Variants in BCL2L14 observed in about 807,000 individuals in gnomAD.
The protein encoded by BCL2L14 is apoptosis facilitator Bcl-2-like protein 14.
BCL2L14 carries 27 observed loss-of-function variants against 35.3 expected under a neutral mutation model. The ratio of observed to expected loss-of-function variants is 0.76; its 90% CI spans 0.56 to 1.05. BCL2L14 has a LOEUF of 1.05. Ranked by LOEUF, BCL2L14 falls within the 50% of genes least tolerant of loss-of-function variation. The pLI is 0.00. For missense variants in BCL2L14, 377 were observed against 382.6 expected, an observed-to-expected ratio of 0.99 and a Z score of 0.12; for synonymous variants, 139 against 145.9, an observed-to-expected ratio of 0.95 and a Z score of 0.34.
intron 2 of BCL2L14, among the ~76,000 whole-genome samples, chr12:12,063,262 A>G (rs952295956): frequency 2.1e-5 from 1 of 47,434 alleles, no homozygotes; most frequent in African/African-American, 6.6e-5. Flanking sequence ...CCAAACTGCC[A>G]CTCTTAACTC....
chr12:12,055,861 C>T (rs1357846774), intron 2 of BCL2L14: 1 of 152,188 alleles, frequency 6.6e-6, no homozygotes, highest in Non-Finnish European at 1.5e-5. Context: ...TTTTCATAGC[C>T]ACTGACAAAG....
intron 1 of BCL2L14, among the ~76,000 whole-genome samples, chr12:12,075,184 G>A (rs1017737680): frequency 1.3e-5 from 2 of 151,292 alleles, no homozygotes; most frequent in East Asian, 1.9e-4. Flanking sequence ...GTGCAATGGC[G>A]CGATCCCCGC....
At chr12:12,090,717 G>A (rs1230567655) in intron 3 of BCL2L14, 62 bp from the exon 4 acceptor site, 9 of 1,382,402 alleles carry the variant, frequency 6.5e-6, no homozygotes, top group Non-Finnish European at 8.2e-6. Context: ...CATTGTCCCT[G>A]GAAAAATGTA....
intron 1 of BCL2L14, among the ~76,000 whole-genome samples, chr12:12,078,703 C>CCT (rs1297516362): frequency 6.6e-6 from 1 of 152,214 alleles, no homozygotes; most frequent in African/African-American, 2.4e-5. Context: ...CTTTCACTTG[C>CCT]CTCTTTCTTT....
At chr12:12,063,067 G>C (rs1466841013) in intron 2 of BCL2L14, among the ~76,000 whole-genome samples, 1 of 152,166 alleles carries the variant, frequency 6.6e-6, no homozygotes. Context: ...TTAGGCCCCA[G>C]TCTCATTCCA....
rs558785344 is a variant in BCL2L14, at chr12:12,089,630, G to A, written c.608-1149G>A. 2.6e-3 allele frequency among the ~76,000 whole-genome samples: 393 copies of A among 150,038 alleles called. 4 individuals carry two copies. Among genetic ancestry groups the A allele is most frequent in the African/African-American group, 9.1e-3 (372 of 40,744 alleles). ...GGAGAATCACTTGAACCTGGGAGGT[G>A]GAGGTTGCAGTGAGCCAAGATCGTG... On this transcript the variant is annotated intron_variant, in intron 3 of 5. Transcript: ENST00000308721.
At chr12:12,083,890 C>T (rs1948983073) in intron 2 of BCL2L14, among the ~76,000 whole-genome samples, 1 of 152,102 alleles carries the variant, frequency 6.6e-6, no homozygotes, top group Non-Finnish European at 1.5e-5. Context: ...GCAGGTTGCA[C>T]TGAGCTGAGA....
Position 12,087,316 on chromosome 12 carries a change from G to T in BCL2L14, c.537G>T (p.Glu179Asp). ...ATQAGGFKSK[E>D]IFVTEGLSFQ... ...AGGCAGGAGGCTTCAAGTCCAAAGA[G>T]ATTTTTGTAACTGAGGGTCTCTCCT... Residue 179 changes from glutamate to aspartate, a missense_variant, in exon 3 of 6, where the codon GAG becomes GAT. Coordinates refer to ENST00000308721, the MANE Select transcript of BCL2L14 (RefSeq NM_138723.2). 6.2e-7 allele frequency: 1 copy of T among 1,614,222 alleles called. No homozygotes were observed. Among genetic ancestry groups the T allele is most frequent in the Non-Finnish European group, 8.5e-7 (1 of 1,180,026 alleles).
chr12:12,096,123 C>G, intron 5 of BCL2L14: 1 of 985,340 alleles, frequency 1.0e-6, no homozygotes, highest in South Asian at 4.7e-5. Flanking sequence ...AGTCTCTAAT[C>G]TCCAGCACTT....
At chr12:12,086,413 C>G (rs997619890) in intron 2 of BCL2L14, among the ~76,000 whole-genome samples, 2 of 152,220 alleles carry the variant, frequency 1.3e-5, no homozygotes, top group East Asian at 3.8e-4. Context: ...CATCTGCCCA[C>G]CCCACCTCCC....
chr12:12,050,793 T>TAAAAAAAAAAAAAAAAAAAAAAA (rs3052084), intron 1 of BCL2L14, among the ~76,000 whole-genome samples: 24 of 88,280 alleles, frequency 2.7e-4, no homozygotes, highest in African/African-American at 6.7e-4. Flanking sequence ...GCTGATGAGC[T>TAAAAAAAAAAAAAAAAAAAAAAA]AAAAAAAAAA....
In BCL2L14 at chr12:12,073,954, T is replaced by C. The variant is rs571213242; in HGVS notation, c.-8+2817T>C. Among the ~76,000 whole-genome samples, 8 of 152,202 alleles carry C rather than the reference T, an allele frequency of 5.3e-5. No homozygotes were observed. In the South Asian group the frequency reaches 1.7e-3, roughly 32 times the overall value. ...TTTGCCTGCTTGCACGCACCTCAGGTCTCAGTGTGTCTCAGCAACAGCTTC... is the reference window on the plus strand; with the variant it reads ...TTTGCCTGCTTGCACGCACCTCAGGCCTCAGTGTGTCTCAGCAACAGCTTC... On this transcript the variant is annotated intron_variant, in intron 1 of 5. Transcript: ENST00000308721.
At chr12:12,068,251 C>A, upstream of BCL2L14, 1 of 398,200 alleles carries the variant, frequency 2.5e-6, no homozygotes, top group South Asian at 1.3e-4. Flanking sequence ...GACCAAGACT[C>A]TTCAGGATCC....
rs58296575 is a variant in BCL2L14, at chr12:12,058,253, CT to C, written c.-272+6416del. ...AGGCGTGAGTCATTGTGCCCAGACT[CT>C]TTTTTTTTTCTTTTTTTTGAGACGG... On this transcript the variant is annotated intron_variant, in intron 2 of 3. Transcript: ENST00000461264. 1.7e-3 allele frequency among the ~76,000 whole-genome samples: 250 copies of C among 143,728 alleles called. 1 individual carries two copies. The highest frequency in any genetic ancestry group is 7.5e-3 in the East Asian group (35 of 4,658). 94.3% of individuals were successfully genotyped at this position (143,728 alleles called of 152,430 possible).
chr12:12,080,726 A>G (rs1948901889), intron 2 of BCL2L14, among the ~76,000 whole-genome samples: 1 of 151,500 alleles, frequency 6.6e-6, no homozygotes, highest in South Asian at 2.1e-4. Flanking sequence ...CTGTGTTTCC[A>G]TCTGTACATT....
rs1294859647 is a variant in BCL2L14, at chr12:12,094,809, T to C, written c.824T>C (p.Val275Ala). Residue 275 changes from valine (V) to alanine (A), a missense_variant, in exon 5 of 6, where the codon GTA (valine) becomes GCA (alanine). Coordinates refer to ENST00000308721, the MANE Select transcript of BCL2L14 (RefSeq NM_138723.2). The stretch of plus-strand genomic sequence containing the variant: ...GCTCAGGGCTTTAAGGCTGCCCTTG[T>C]AATAGACGTCACGGCCAAGCTCACA... The part of the protein sequence containing the change: ...VKAQGFKAAL[V>A]IDVTAKLTAI... 1.2e-6 allele frequency: 2 copies of C among 1,614,070 alleles called. No homozygotes were observed. The highest frequency in any genetic ancestry group is 1.7e-6 in the Non-Finnish European group (2 of 1,180,040).
At chr12:12,073,215 G>A (rs867295580) in intron 1 of BCL2L14, among the ~76,000 whole-genome samples, 7 of 152,278 alleles carry the variant, frequency 4.6e-5, no homozygotes, top group Middle Eastern at 3.4e-3. Context: ...TTAATCCTTT[G>A]TCTCCGTTTG....
intron 2 of BCL2L14, among the ~76,000 whole-genome samples, chr12:12,053,819 T>G (rs536320933): frequency 2.3e-3 from 343 of 152,302 alleles, no homozygotes; most frequent in African/African-American, 7.9e-3. Flanking sequence ...GACAATCACC[T>G]AAAAACCCCT....
At chr12:12,054,974 A>G (rs1226011076) in intron 2 of BCL2L14, 1 of 152,382 alleles carries the variant, frequency 6.6e-6, no homozygotes, top group Non-Finnish European at 1.5e-5. Flanking sequence ...ATAAAGAAAA[A>G]TGATGAAACA....
Sources: gnomAD v4.1 joint callset for allele counts (sites outside exome capture counted in the v4.1 genomes callset) on GRCh38, gnomAD v4.1.1 for gene constraint, MANE v1.5 for transcripts, NCBI Gene and HGNC (gene_info 2026-07-23, HGNC 2026-07-21) for gene names.